Variants in CDH17 observed in about 807,000 individuals in gnomAD.
CDH17 encodes the protein cadherin-17.
CDH17 carries 67 observed loss-of-function variants against 86.3 expected under a neutral mutation model. That is an observed-to-expected ratio of 0.78 (90% CI 0.64 to 0.95). The LOEUF (loss-of-function observed/expected upper bound fraction) is 0.95, where lower values mean the gene tolerates loss of function less well. CDH17 is among the 40% of genes least tolerant of loss of function. The pLI, the probability that CDH17 is intolerant of heterozygous loss-of-function variation, is 0.00. For missense variants in CDH17, 993 were observed against 1,017.6 expected, an observed-to-expected ratio of 0.98 and a Z score of 0.33; for synonymous variants, 367 against 366.4, an observed-to-expected ratio of 1.00 and a Z score of -0.02.
chr8:94,137,605 G>A (rs1028478642), intron 15 of CDH17, among the ~76,000 whole-genome samples: 9 of 152,016 alleles, frequency 5.9e-5, no homozygotes, highest in South Asian at 2.1e-4. Context: ...TAGGTGAGGC[G>A]ACACCCCACC....
At chr8:94,130,160 G>A (rs1812384577) in intron 17 of CDH17, among the ~76,000 whole-genome samples, 1 of 152,172 alleles carries the variant, frequency 6.6e-6, no homozygotes, top group Non-Finnish European at 1.5e-5. Context: ...AGGGTTCTAT[G>A]CATAGGGAAG....
In CDH17 at chr8:94,146,117, C is replaced by T; in HGVS notation, c.1978G>A (p.Val660Met). 3.7e-6 allele frequency: 6 copies of T among 1,610,328 alleles called. No homozygotes were observed. The highest frequency in any genetic ancestry group is 1.3e-5 in the African/African-American group (1 of 74,850). The change falls in exon 15 of 18, where the codon GTG becomes ATG. Residue 660 changes from valine (V) to methionine (M), a missense_variant. Coordinates refer to ENST00000027335, the MANE Select transcript of CDH17 (RefSeq NM_004063.4). ...VSEFHLILMD[V>M]NDNPPRLAKD... ...GCTAGCCTGGGAGGGTTGTCATTCA[C>T]ATCCATAAGGATCAGGTGGAACTCT... is the stretch of plus-strand genomic sequence containing the variant.
At position 94,174,218 on chromosome 8, in the gene CDH17, G is replaced by C. The variant is rs376397791; in HGVS notation, c.467C>G (p.Pro156Arg). The C allele has an allele frequency of 1.2e-6, 2 of 1,613,302 alleles. No homozygotes were observed. The highest frequency in any genetic ancestry group is 2.2e-5 in the South Asian group (2 of 91,018). The change falls in exon 6 of 18, where the codon CCG (proline) becomes CGG (arginine). Residue 156 changes from proline to arginine, a missense_variant. Coordinates refer to ENST00000027335, the MANE Select transcript of CDH17 (RefSeq NM_004063.4). ...ATAAAGCTGGCCATTGGGAGTGGCC[G>C]GATCATCCAGGTCTGTGGCATTGAC... ...LYVNATDLDD[P>R]ATPNGQLYYQ...
chr8:94,156,321 A>ATTT (rs1301127608), intron 12 of CDH17, among the ~76,000 whole-genome samples: 6 of 152,198 alleles, frequency 3.9e-5, no homozygotes, highest in African/African-American at 1.4e-4. Flanking sequence ...TGGTCTGGTT[A>ATTT]AAAATAGCTA....
chr8:94,207,373 TTATC>T (rs985240249), intron 1 of CDH17, among the ~76,000 whole-genome samples: 1 of 152,224 alleles, frequency 6.6e-6, no homozygotes, highest in African/African-American at 2.4e-5. Flanking sequence ...CTTTACCTAC[TTATC>T]TAATTTACTT....
chr8:94,185,389 T>C (rs1476199312), intron 3 of CDH17, among the ~76,000 whole-genome samples: 2 of 151,912 alleles, frequency 1.3e-5, no homozygotes, highest in African/African-American at 4.8e-5. Flanking sequence ...CTTTGCAGCA[T>C]GACTAACAGA....
At chr8:94,165,710 G>A (rs1259854193) in intron 10 of CDH17, 51 bp downstream of exon 10, 3 of 1,219,244 alleles carry the variant, frequency 2.5e-6, no homozygotes, top group South Asian at 1.2e-5. Context: ...ATAACTCATA[G>A]CTAGAAGGAA....
Position 94,189,248 on chromosome 8 carries a change from G to T in CDH17, c.89C>A (p.Pro30His). 6.2e-7 allele frequency: 1 copy of T among 1,612,448 alleles called. No individual in the cohort carries two copies. The highest frequency in any genetic ancestry group is 1.3e-5 in the African/African-American group (1 of 74,820). ...GYGQEGKFSG[P>H]LKPMTFSIYE... Reference sequence around the variant, plus strand: ...AATAGAAAATGTCATGGGTTTCAGGGGTCCACTAAACTTCCCCTCTTGGCC... The same window carrying T: ...AATAGAAAATGTCATGGGTTTCAGGTGTCCACTAAACTTCCCCTCTTGGCC... Residue 30 changes from proline to histidine, a missense_variant, in exon 3 of 18, where the codon CCC becomes CAC. Transcript: ENST00000027335.
chr8:94,216,651 T>C (rs1054498234), intron 1 of CDH17, among the ~76,000 whole-genome samples: 1 of 151,452 alleles, frequency 6.6e-6, no homozygotes, highest in East Asian at 1.9e-4. Flanking sequence ...ACCAGGACTA[T>C]ATCTAAAGGG....
At chr8:94,170,750 ATGTG>A (rs1186624880) in intron 8 of CDH17, 100 bp downstream of exon 8, 1 of 1,418,428 alleles carries the variant, frequency 7.1e-7, no homozygotes, top group Non-Finnish European at 9.6e-7. Context: ...GGAGTCTGAA[ATGTG>A]TGTTTTTTTT....
chr8:94,130,944 T>G lies in CDH17; in HGVS notation c.2216A>C (p.Glu739Ala), dbSNP rs1051624. Residue 739 changes from glutamate (E) to alanine (A), a missense_variant, in exon 16 of 18, where the codon GAG (glutamate) becomes GCG (alanine). By Grantham distance (107) the Glu-to-Ala change is moderately radical (BLOSUM62 -1). Transcript: ENST00000027335. The stretch of plus-strand genomic sequence containing the variant: ...ATTGATGCGGATCAAGACGACATAC[T>G]CCCTCTCCTCAAACTCTGTGTGCCT... The part of the protein sequence containing the change: ...STRHTEFEER[E>A]YVVLIRINDG... 863,257 of 1,604,310 alleles carry G rather than the reference T, an allele frequency of 0.54. 237,689 individuals carry two copies. Among genetic ancestry groups the G allele is most frequent in the Non-Finnish European group, 0.56 (659,527 of 1,171,784 alleles).
At chr8:94,136,077 GC>G (rs1169196143) in intron 15 of CDH17, among the ~76,000 whole-genome samples, 2 of 152,160 alleles carry the variant, frequency 1.3e-5, no homozygotes, top group African/African-American at 4.8e-5. Flanking sequence ...CTCTCTGGCT[GC>G]CCTTAACATT....
chr8:94,133,070 C>T (rs965855428), intron 15 of CDH17, among the ~76,000 whole-genome samples: 1 of 152,084 alleles, frequency 6.6e-6, no homozygotes, highest in African/African-American at 2.4e-5. Flanking sequence ...GTTACTGTAG[C>T]CTTGTAGTAT....
At position 94,194,572 on chromosome 8, in the gene CDH17, G is replaced by A. The variant is rs1303879840; in HGVS notation, c.51+63C>T. The stretch of plus-strand genomic sequence containing the variant: ...TAATAGCCATTCTTTCCCTGGTGTG[G>A]GGTAGAAAGATAGCAGAAAATATTC... On this transcript the variant is annotated intron_variant, in intron 2 of 17. Transcript: ENST00000027335. 3 of 1,099,368 alleles carry A rather than the reference G, an allele frequency of 2.7e-6. No homozygotes were observed. In the East Asian group the frequency reaches 7.1e-5, roughly 26 times the overall value. The allele number at this position is 1,099,368 out of a possible 1,614,324, so 68.1% of individuals were successfully genotyped here.
chr8:94,209,708 A>T (rs1040078830), upstream of CDH17, among the ~76,000 whole-genome samples: 2 of 152,152 alleles, frequency 1.3e-5, no homozygotes, highest in Admixed American at 1.3e-4. Context: ...GAATGAGGTT[A>T]TTGAGGCTAA....
chr8:94,191,407 A>AAAGTCAAAT (rs1190939465), intron 2 of CDH17, among the ~76,000 whole-genome samples: 2 of 151,962 alleles, frequency 1.3e-5, no homozygotes, highest in African/African-American at 4.8e-5. Context: ...AAAATGCTCT[A>AAAGTCAAAT]AAGTCAAATA....
intron 12 of CDH17, among the ~76,000 whole-genome samples, chr8:94,159,351 G>A (rs993710395): frequency 6.6e-6 from 1 of 152,184 alleles, no homozygotes; most frequent in African/African-American, 2.4e-5. Flanking sequence ...AAAGGTGAAA[G>A]TAAAGCAGCG....
chr8:94,176,846 T>C (rs1429196509), intron 4 of CDH17, among the ~76,000 whole-genome samples, 167 bp from the exon 5 acceptor site: 1 of 152,194 alleles, frequency 6.6e-6, no homozygotes, highest in Non-Finnish European at 1.5e-5. Flanking sequence ...AGGGATTGTA[T>C]CAGTTAAGCC....
chr8:94,174,331 C>T, intron 5 of CDH17, 71 bp from the exon 6 acceptor site: 4 of 1,443,788 alleles, frequency 2.8e-6, no homozygotes, highest in Non-Finnish European at 3.7e-6. Flanking sequence ...ACCATAGCTA[C>T]TTTTTCCATC....
Sources: gnomAD v4.1 joint callset for allele counts (sites outside exome capture counted in the v4.1 genomes callset) on GRCh38, gnomAD v4.1.1 for gene constraint, MANE v1.5 for transcripts, NCBI Gene and HGNC (gene_info 2026-07-23, HGNC 2026-07-21) for gene names.